NEGR1: variants seen among roughly 807,000 people sequenced by gnomAD.
The protein encoded by NEGR1 is IgLON family member 4.
Under a neutral mutation model 40.9 loss-of-function variants are expected in NEGR1, and 10 were observed. The observed-to-expected ratio is 0.24, with a 90% confidence interval of 0.15 to 0.42. NEGR1 has a LOEUF of 0.42. Ranked by LOEUF, NEGR1 falls within the 10% of genes least tolerant of loss-of-function variation. The pLI, the probability that NEGR1 is intolerant of heterozygous loss-of-function variation, is 1.00. For synonymous variants in NEGR1, 185 were observed against 166.8 expected (o/e 1.11, Z -0.84); for missense variants, 352 against 438.9 (o/e 0.80, Z 1.77).
chr1:71,796,893 G>C (rs1196377071), intron 2 of NEGR1, among the ~76,000 whole-genome samples: 2 of 152,148 alleles, frequency 1.3e-5, no homozygotes, highest in African/African-American at 4.8e-5. Context: ...CTTTTTAAAA[G>C]TTGTAGGTTT....
At chr1:71,468,254 CT>C (rs1553144015) in intron 6 of NEGR1, 1 of 151,876 alleles carries the variant, frequency 6.6e-6, no homozygotes, top group Non-Finnish European at 1.5e-5. Flanking sequence ...GTGTCTAACT[CT>C]AACTATTAAT....
chr1:71,612,396 T>C (rs1295164709), intron 4 of NEGR1, among the ~76,000 whole-genome samples: 2 of 152,170 alleles, frequency 1.3e-5, no homozygotes, highest in Non-Finnish European at 2.9e-5. Context: ...AAAAAGCTTT[T>C]TTTGTAGCAT....
chr1:71,824,046 G>A (rs548644593), intron 2 of NEGR1, among the ~76,000 whole-genome samples: 1 of 152,078 alleles, frequency 6.6e-6, no homozygotes, highest in East Asian at 1.9e-4. Context: ...ATTTACCAGT[G>A]TGGGAGGAAC....
chr1:71,807,741 A>G (rs1557660011), intron 2 of NEGR1, among the ~76,000 whole-genome samples: 2 of 152,184 alleles, frequency 1.3e-5, no homozygotes, highest in East Asian at 1.9e-4. Flanking sequence ...GTTTCTTACG[A>G]AAGTTTATTC....
intron 6 of NEGR1, among the ~76,000 whole-genome samples, chr1:71,504,731 G>C (rs1235215679): frequency 6.6e-6 from 1 of 152,100 alleles, no homozygotes; most frequent in Non-Finnish European, 1.5e-5. Context: ...AGGAAAAATG[G>C]ACAGTATCCG....
At chr1:71,623,102 T>C (rs1296784169) in intron 4 of NEGR1, among the ~76,000 whole-genome samples, 2 of 151,692 alleles carry the variant, frequency 1.3e-5, no homozygotes, top group African/African-American at 4.8e-5. Flanking sequence ...AAACACACTG[T>C]CTTATAAGAA....
chr1:71,878,489 C>T (rs762230922), intron 2 of NEGR1, among the ~76,000 whole-genome samples: 22 of 152,174 alleles, frequency 1.4e-4, no homozygotes, highest in Non-Finnish European at 2.4e-4. Flanking sequence ...AAAACTTCTG[C>T]TCTGCAATAA....
Position 71,472,806 on chromosome 1 carries a change from G to T in NEGR1, c.941-65236C>A, listed in dbSNP as rs924890845. Among the ~76,000 whole-genome samples, 28 of 151,950 alleles carry T rather than the reference G, an allele frequency of 1.8e-4. No homozygotes were observed. The South Asian group carries it at 5.8e-3, about 31-fold the overall frequency. Reference sequence around the variant, plus strand: ...AGACTTCCATTCAATAAAGTAAAAAGAAATTATAAAACATAAATAGGCAGA... The same window carrying T: ...AGACTTCCATTCAATAAAGTAAAAATAAATTATAAAACATAAATAGGCAGA... On this transcript the variant is annotated intron_variant, in intron 6 of 6. Transcript: ENST00000357731.
chr1:71,988,545 CA>C (rs1197884975), intron 1 of NEGR1, among the ~76,000 whole-genome samples: 492 of 39,688 alleles, frequency 0.012, no homozygotes, highest in East Asian at 0.024. Context: ...GACTCCGTCT[CA>C]AAAAAAAAAA....
At chr1:71,919,827 A>G (rs1308588287) in intron 2 of NEGR1, among the ~76,000 whole-genome samples, 5 of 152,172 alleles carry the variant, frequency 3.3e-5, no homozygotes, top group Non-Finnish European at 7.4e-5. Flanking sequence ...ATTTCTTCAT[A>G]TATCTAAGAC....
intron 1 of NEGR1, among the ~76,000 whole-genome samples, chr1:71,950,252 C>T (rs2100271208): frequency 6.6e-6 from 1 of 151,960 alleles, no homozygotes; most frequent in African/African-American, 2.4e-5. Context: ...ATTCATTGTT[C>T]TTACATTTAC....
chr1:71,701,305 T>C (rs1038513684), intron 3 of NEGR1, among the ~76,000 whole-genome samples: 11 of 151,968 alleles, frequency 7.2e-5, no homozygotes, highest in Non-Finnish European at 1.2e-4. Context: ...AGTTTCCTGA[T>C]GTTGCAGCAG....
rs1232657981 is a variant in NEGR1, at chr1:72,209,019, T to C, written c.176+73300A>G. Among the ~76,000 whole-genome samples the C allele has an allele frequency of 2.0e-5, 3 of 151,718 alleles. 1 individual carries two copies. The highest frequency in any genetic ancestry group is 7.2e-5 in the African/African-American group (3 of 41,418). On this transcript the variant is annotated intron_variant, in intron 1 of 6. Transcript: ENST00000357731. ...GCAAATTTTACCTTTGCATTTATCT[T>C]GTGAAGATACAAAGCCAAACAAAAA...
chr1:71,983,622 C>T (rs1646371638), intron 1 of NEGR1, among the ~76,000 whole-genome samples: 1 of 152,140 alleles, frequency 6.6e-6, no homozygotes, highest in South Asian at 2.1e-4. Flanking sequence ...TTTTCAACTG[C>T]TAAGTCTTCA....
Position 71,935,283 on chromosome 1 carries a change from C to A in NEGR1, c.205G>T (p.Gly69Cys). The change falls in exon 2 of 7, where the codon GGT becomes TGT. Residue 69 changes from glycine to cysteine, a missense_variant. Around this residue, in one of 5 missense-constraint regions of NEGR1, gnomAD observed 81 missense variants for 85.8 expected, o/e 0.94. Coordinates refer to ENST00000357731, the MANE Select transcript of NEGR1 (RefSeq NM_173808.3). The stretch of plus-strand genomic sequence containing the variant: ...ATACTTGACCGGTTCAGCCAGGCAC[C>A]CTTTGAAGCTCCATCTTCCAAATAA... ...RCYLEDGASK[G>C]AWLNRSSIIF... 2 of 1,613,672 alleles carry A rather than the reference C, an allele frequency of 1.2e-6. No individual in the cohort carries two copies. Among genetic ancestry groups the A allele is most frequent in the Non-Finnish European group, 1.7e-6 (2 of 1,179,676 alleles).
chr1:72,123,062 A>G (rs1466748386), intron 1 of NEGR1, among the ~76,000 whole-genome samples: 3 of 152,038 alleles, frequency 2.0e-5, no homozygotes, highest in South Asian at 2.1e-4. Context: ...CATGCCAGAA[A>G]TTTTATTTAG....
chr1:72,037,476 T>A (rs1646913213), intron 1 of NEGR1, among the ~76,000 whole-genome samples: 1 of 152,096 alleles, frequency 6.6e-6, no homozygotes, highest in Non-Finnish European at 1.5e-5. Flanking sequence ...ACGTGGGCAA[T>A]TAGAAATTAG....
chr1:71,407,750 G>A, intron 6 of NEGR1, 180 bp from the exon 7 acceptor site: 1 of 541,888 alleles, frequency 1.8e-6, no homozygotes, highest in South Asian at 2.7e-5. Flanking sequence ...ACTTCTCAGA[G>A]CTTCAGTTTT....
intron 1 of NEGR1, among the ~76,000 whole-genome samples, chr1:71,992,517 GT>G (rs1376752683): frequency 8.4e-6 from 1 of 119,462 alleles, no homozygotes; most frequent in Non-Finnish European, 1.9e-5. Flanking sequence ...ATAAATATTA[GT>G]CATGTAATTT....
Sources: allele counts gnomAD v4.1 joint callset (sites outside exome capture counted in the v4.1 genomes callset), GRCh38; gene constraint gnomAD v4.1.1; regional missense constraint gnomAD v4.1.1; transcripts MANE v1.5; gene names NCBI Gene and HGNC (gene_info 2026-07-23, HGNC 2026-07-21).